PRKG1: variants seen among roughly 807,000 people sequenced by gnomAD.
PRKG1 encodes the protein protein kinase cGMP-dependent 1.
In PRKG1, 35 loss-of-function variants were observed where a neutral mutation model predicts 88.1. That is an observed-to-expected ratio of 0.40 (90% confidence interval 0.30 to 0.53). The LOEUF (loss-of-function observed/expected upper bound fraction) is 0.53. Ranked by LOEUF, PRKG1 falls within the 20% of genes least tolerant of loss-of-function variation. The pLI, the probability that PRKG1 is intolerant of heterozygous loss-of-function variation, is 0.59. For synonymous variants in PRKG1, 303 were observed against 292.5 expected (o/e 1.04, Z -0.37); for missense variants, 540 against 839.8 (o/e 0.64, Z 4.41).
chr10:51,395,645 A>C (rs138014558), intron 2 of PRKG1, among the ~76,000 whole-genome samples: 435 of 152,336 alleles, frequency 2.9e-3, no homozygotes, highest in African/African-American at 9.9e-3. Flanking sequence ...AAGCAGAAAA[A>C]GTGGGAGAAT....
chr10:52,094,878 T>A (rs567570047), intron 7 of PRKG1, among the ~76,000 whole-genome samples: 1 of 152,350 alleles, frequency 6.6e-6, no homozygotes, highest in African/African-American at 2.4e-5. Context: ...CACTGGCAGT[T>A]AGGGCTTCAA....
intron 3 of PRKG1, among the ~76,000 whole-genome samples, chr10:51,556,361 A>C (rs190938233): frequency 6.6e-6 from 1 of 152,062 alleles, no homozygotes; most frequent in Admixed American, 6.6e-5. Context: ...AATTTCCATA[A>C]ATATTTCAAA....
chr10:51,197,285 T>C (rs545066349), intron 2 of PRKG1, among the ~76,000 whole-genome samples: 28 of 152,254 alleles, frequency 1.8e-4, no homozygotes, highest in South Asian at 6.2e-4. Flanking sequence ...ATTTAAATTG[T>C]TTTTTGAGAT....
chr10:52,246,010 G>A (rs1361461825), intron 9 of PRKG1, among the ~76,000 whole-genome samples: 2 of 152,046 alleles, frequency 1.3e-5, no homozygotes, highest in African/African-American at 4.8e-5. Context: ...AGTTACTTCT[G>A]TTATTGGAAT....
chr10:51,549,119 T>TC (rs1842515251), intron 3 of PRKG1, among the ~76,000 whole-genome samples: 1 of 117,430 alleles, frequency 8.5e-6, no homozygotes, highest in Non-Finnish European at 1.7e-5. Flanking sequence ...TCTTTTCTTT[T>TC]CTTTTTTTTT....
chr10:51,311,772 A>T (rs140689615), intron 2 of PRKG1, among the ~76,000 whole-genome samples: 1 of 152,326 alleles, frequency 6.6e-6, no homozygotes, highest in African/African-American at 2.4e-5. Context: ...ATCTTCCCGT[A>T]GCTAAACACT....
rs866191699 is a variant in PRKG1 at position 51,705,782 on chromosome 10, C to T, written c.593-98803C>T. Among the ~76,000 whole-genome samples the T allele has an allele frequency of 5.3e-5, 8 of 152,262 alleles. No individual in the cohort carries two copies. The South Asian group carries it at 6.2e-4, about 12-fold the overall frequency. ...AGTGTGCCTATGTCAACTAGCAGAACGAGGATTTGAACACAAACCATTTGG... is the reference window on the plus strand; with the variant it reads ...AGTGTGCCTATGTCAACTAGCAGAATGAGGATTTGAACACAAACCATTTGG... On this transcript the variant is annotated intron_variant, in intron 3 of 17. Coordinates refer to ENST00000373980, the MANE Select transcript of PRKG1 (RefSeq NM_006258.4).
chr10:52,251,475 C>A lies in PRKG1; in HGVS notation c.1077-95C>A. The A allele has an allele frequency of 4.2e-6, 4 of 954,904 alleles. No homozygotes were observed. The Admixed American group carries it at 5.8e-5, about 14-fold the overall frequency. 59.2% of individuals were successfully genotyped at this position (954,904 alleles called of 1,614,324 possible). A position where few individuals can be genotyped will look rare whatever the true frequency, so the allele number is the denominator to read the frequency against. On this transcript the variant is annotated intron_variant, in intron 9 of 17. Transcript: ENST00000373980. ...CAAGATGGAATGTAAGCAGGTAAACCCTGTTCCACAGTCATGTCATTCTGG... is the reference window on the plus strand; with the variant it reads ...CAAGATGGAATGTAAGCAGGTAAACACTGTTCCACAGTCATGTCATTCTGG...
At chr10:51,830,548 G>GTTTTTTTTTTTTTTTTT (rs1022530024) in intron 4 of PRKG1, among the ~76,000 whole-genome samples, 1 of 116,224 alleles carries the variant, frequency 8.6e-6, no homozygotes. Context: ...CTCTTAAAGT[G>GTTTTTTTTTTTTTTTTT]TTTTTTTTTT....
At chr10:51,485,262 G>A (rs7091396) in intron 3 of PRKG1, among the ~76,000 whole-genome samples, 29,316 of 152,094 alleles carry the variant, frequency 0.19, 3,679 homozygotes, top group African/African-American at 0.34. Context: ...ACATTGATAA[G>A]TATCTGAATC....
chr10:51,415,126 A>T (rs141006945), intron 2 of PRKG1, among the ~76,000 whole-genome samples: 1 of 152,298 alleles, frequency 6.6e-6, no homozygotes, highest in Non-Finnish European at 1.5e-5. Context: ...CGTGATCAGT[A>T]GTTCAGGCAG....
chr10:51,766,886 A>G (rs901216933), intron 3 of PRKG1, among the ~76,000 whole-genome samples: 1 of 152,092 alleles, frequency 6.6e-6, no homozygotes, highest in Non-Finnish European at 1.5e-5. Context: ...TACTTTCCAA[A>G]TGTTTTGAGG....
intron 8 of PRKG1, among the ~76,000 whole-genome samples, chr10:52,150,349 G>C (rs1282417832): frequency 4.0e-5 from 6 of 151,802 alleles, no homozygotes; most frequent in African/African-American, 1.2e-4. Flanking sequence ...AGGTTGCCTT[G>C]GTTCAAATCC....
chr10:52,169,325 G>A (rs1290151062), intron 9 of PRKG1, among the ~76,000 whole-genome samples: 1 of 152,136 alleles, frequency 6.6e-6, no homozygotes, highest in African/African-American at 2.4e-5. Context: ...CAAGATCAAG[G>A]CATCAGCAGA....
At chr10:51,043,321 T>A (rs1843448163) in intron 1 of PRKG1, among the ~76,000 whole-genome samples, 1 of 152,154 alleles carries the variant, frequency 6.6e-6, no homozygotes, top group Non-Finnish European at 1.5e-5. Flanking sequence ...GAATACCTGT[T>A]TCATAAGGTA....
intron 5 of PRKG1, among the ~76,000 whole-genome samples, chr10:51,912,773 C>T (rs905417779): frequency 4.6e-5 from 7 of 151,090 alleles, no homozygotes; most frequent in South Asian, 4.2e-4. Flanking sequence ...CCCACCCCAG[C>T]CCCCACCTAC....
chr10:51,266,456 T>A (rs1227439796), intron 2 of PRKG1, among the ~76,000 whole-genome samples: 1 of 152,190 alleles, frequency 6.6e-6, no homozygotes. Context: ...TTGTTATCTG[T>A]ATAAGTGTTA....
chr10:52,058,779 A>C (rs1846168951), intron 6 of PRKG1, among the ~76,000 whole-genome samples: 1 of 152,002 alleles, frequency 6.6e-6, no homozygotes, highest in Non-Finnish European at 1.5e-5. Flanking sequence ...CACCAGCACA[A>C]TCCATAAAGA....
Position 51,578,206 on chromosome 10 carries a change from A to T in PRKG1, c.592+110370A>T, listed in dbSNP as rs549140345. On this transcript the variant is annotated intron_variant, in intron 3 of 17. Coordinates refer to ENST00000373980, the MANE Select transcript of PRKG1 (RefSeq NM_006258.4). ...AATCTAAGCACACTTCAATTAGATT[A>T]TTGGTAAATAGCAATCCTTACCAAA... 2.0e-5 allele frequency among the ~76,000 whole-genome samples: 3 copies of T among 152,228 alleles called. No individual in the cohort carries two copies. In the East Asian group the frequency reaches 5.8e-4, roughly 29 times the overall value.
Sources: allele counts gnomAD v4.1 joint callset (sites outside exome capture counted in the v4.1 genomes callset), GRCh38; gene constraint gnomAD v4.1.1; transcripts MANE v1.5; gene names NCBI Gene and HGNC (gene_info 2026-07-23, HGNC 2026-07-21).